Variants in ZNF25 observed in about 807,000 individuals in gnomAD.
ZNF25 encodes zinc finger protein 25.
In ZNF25, 21 loss-of-function variants were observed where a neutral mutation model predicts 30.9. The observed-to-expected ratio is 0.68, with a 90% CI of 0.48 to 0.98. The LOEUF (loss-of-function observed/expected upper bound fraction) is 0.98. Ranked by LOEUF, ZNF25 falls within the 50% of genes least tolerant of loss-of-function variation. ZNF25 has a pLI of 0.00. For synonymous variants in ZNF25, 169 were observed against 181.3 expected (o/e 0.93, Z 0.55); for missense variants, 501 against 529.9 (o/e 0.95, Z 0.54).
In ZNF25 at chr10:37,952,659, T is replaced by A. The variant is rs1363831018; in HGVS notation, c.839A>T (p.His280Leu). 6.2e-7 allele frequency: 1 copy of A among 1,613,804 alleles called. No individual in the cohort carries two copies. The highest frequency in any genetic ancestry group is 8.5e-7 in the Non-Finnish European group (1 of 1,179,952). ...ACATTTATAGGGTTTCTCCCCTGTG[T>A]GCATTCTCTGATGTACTGTGAGGTG... ...KSHLTVHQRM[H>L]TGEKPYKCKE... Residue 280 changes from histidine to leucine, a missense_variant, in exon 6 of 6, where the codon CAC (histidine) becomes CTC (leucine). Physicochemically the swap from His to Leu is moderately conservative, Grantham distance 99. Coordinates refer to ENST00000302609, the MANE Select transcript of ZNF25 (RefSeq NM_145011.4).
chr10:37,957,107 C>T lies in ZNF25; in HGVS notation c.151G>A (p.Val51Met), dbSNP rs889387126. ...TTGAAGACTGCATTTGGCTTATTCA[C>T]ATGGTAACCTATGAATGGAAAATAT... The part of the protein sequence containing the change: ...YSHLVSVGYH[V>M]NKPNAVFKLK... Residue 51 changes from valine to methionine, a missense_variant, in exon 4 of 6, where the codon GTG becomes ATG. Physicochemically the swap from Val to Met is conservative, Grantham distance 21. Coordinates refer to ENST00000302609, the MANE Select transcript of ZNF25 (RefSeq NM_145011.4). 1 of 1,613,446 alleles carries T rather than the reference C, an allele frequency of 6.2e-7. No individual in the cohort carries two copies. Among genetic ancestry groups the T allele is most frequent in the Non-Finnish European group, 8.5e-7 (1 of 1,179,658 alleles).
rs1590207864 is a variant in ZNF25 at position 37,957,005 on chromosome 10, T to C, written c.238+15A>G. 2 of 1,606,530 alleles carry C rather than the reference T, an allele frequency of 1.2e-6. No homozygotes were observed. Among genetic ancestry groups the C allele is most frequent in the Non-Finnish European group, 1.7e-6 (2 of 1,173,680 alleles). The stretch of plus-strand genomic sequence containing the variant: ...TACTCACCAGTAACATGGGATATAA[T>C]TTCTTCTAACTCACCAGGGAAGCCC... On this transcript the variant is annotated intron_variant, in intron 4 of 5. Transcript: ENST00000302609.
At position 37,952,301 on chromosome 10, in the gene ZNF25, T is replaced by G. The variant is rs778836576; in HGVS notation, c.1197A>C (p.Ala399=). The G allele has an allele frequency of 1.9e-6, 3 of 1,613,684 alleles. No homozygotes were observed. Among genetic ancestry groups the G allele is most frequent in the South Asian group, 1.1e-5 (1 of 91,044 alleles). The change falls in exon 6 of 6, where the codon GCA becomes GCC. Residue 399 remains alanine (A), a synonymous_variant. Transcript: ENST00000302609. ...QRTHTGEKPY[A]CKECGKSFSQ... ...AAAAGGACTTCCCACATTCCTTGCA[T>G]GCATAGGGCTTCTCTCCTGTGTGAG...
chr10:37,959,402 G>C (rs1283984335), intron 2 of ZNF25, among the ~76,000 whole-genome samples: 1 of 152,152 alleles, frequency 6.6e-6, no homozygotes, highest in Non-Finnish European at 1.5e-5. Context: ...GGAGAAAGGG[G>C]GAGGGCAGCT....
At chr10:37,954,721 T>A (rs1564758145) in intron 4 of ZNF25, among the ~76,000 whole-genome samples, 1 of 152,196 alleles carries the variant, frequency 6.6e-6, no homozygotes, top group African/African-American at 2.4e-5. Context: ...TATTTATGCA[T>A]CTTTAAATGC....
intron 4 of ZNF25, among the ~76,000 whole-genome samples, chr10:37,954,830 C>T (rs140587575): frequency 1.8e-4 from 27 of 152,158 alleles, no homozygotes; most frequent in East Asian, 1.7e-3. Context: ...GTGACTTATG[C>T]GACGTTAACT....
intron 2 of ZNF25, among the ~76,000 whole-genome samples, chr10:37,967,105 T>C (rs2063227678): frequency 6.6e-6 from 1 of 152,144 alleles, no homozygotes; most frequent in Admixed American, 6.5e-5. Context: ...AGACTTAATA[T>C]GGTTCAAATG....
chr10:37,953,499 A>G (rs2135287197), intron 5 of ZNF25, 196 bp downstream of exon 5: 2 of 626,784 alleles, frequency 3.2e-6, no homozygotes, highest in Middle Eastern at 4.1e-4. Flanking sequence ...AGACCACTTC[A>G]AAGTTTCAAT....
intron 2 of ZNF25, among the ~76,000 whole-genome samples, chr10:37,959,045 T>C (rs970672639): frequency 1.3e-5 from 2 of 152,192 alleles, no homozygotes; most frequent in African/African-American, 4.8e-5. Context: ...TGAAACTCCA[T>C]CTCAAAAATA....
rs375700272 is a variant in ZNF25 at position 37,952,927 on chromosome 10, T to C, written c.571A>G (p.Arg191Gly). ...KIFYHLSSLS[R>G]HLRTHAGEKP... ...TCTCCTGCATGGGTTCTCAGATGTC[T>C]ACTGAGAGATGATAGGTGGTAAAAT... Residue 191 changes from arginine to glycine, a missense_variant, in exon 6 of 6, where the codon AGA becomes GGA. Coordinates refer to ENST00000302609, the MANE Select transcript of ZNF25 (RefSeq NM_145011.4). The C allele has an allele frequency of 6.2e-7, 1 of 1,614,078 alleles. No individual in the cohort carries two copies. The highest frequency in any genetic ancestry group is 8.5e-7 in the Non-Finnish European group (1 of 1,180,020).
At chr10:37,974,280 T>A (rs1325469411) in intron 1 of ZNF25, among the ~76,000 whole-genome samples, 1 of 152,096 alleles carries the variant, frequency 6.6e-6, no homozygotes, top group Non-Finnish European at 1.5e-5. Context: ...TGAATGGGAT[T>A]ACATCAAACG....
chr10:37,971,565 G>T lies in ZNF25; in HGVS notation c.15+143C>A. The T allele has an allele frequency of 2.2e-6, 3 of 1,384,252 alleles. No individual in the cohort carries two copies. In the South Asian group the frequency reaches 3.9e-5, roughly 18 times the overall value. The allele number at this position is 1,384,252 out of a possible 1,614,324, so 85.7% of individuals were successfully genotyped here. A position where few individuals can be genotyped will look rare whatever the true frequency, so the allele number is the denominator to read the frequency against. Reference sequence around the variant, plus strand: ...TTATTCAAACGGTATTTTGCCTGTAGGTGATTTTTAACTATTTCTACGTTT... The same window carrying T: ...TTATTCAAACGGTATTTTGCCTGTATGTGATTTTTAACTATTTCTACGTTT... On this transcript the variant is annotated intron_variant, in intron 2 of 5. Transcript: ENST00000302609.
At chr10:37,953,243 T>C (rs771044971) in intron 5 of ZNF25, 48 bp from the exon 6 acceptor site, 1 of 1,512,268 alleles carries the variant, frequency 6.6e-7, no homozygotes, top group Non-Finnish European at 8.8e-7. Context: ...TTTTAAGGCT[T>C]TTTGTTCCCC....
intron 4 of ZNF25, among the ~76,000 whole-genome samples, chr10:37,955,036 C>T (rs111973413): frequency 2.8e-4 from 42 of 152,120 alleles, no homozygotes; most frequent in African/African-American, 8.2e-4. Flanking sequence ...CACCTGTAAT[C>T]CCAGCTACTC....
At chr10:37,962,590 C>T (rs1012445797) in intron 2 of ZNF25, among the ~76,000 whole-genome samples, 1 of 152,080 alleles carries the variant, frequency 6.6e-6, no homozygotes, top group African/African-American at 2.4e-5. Flanking sequence ...AATAGGTGAG[C>T]ACTTTGTTTA....
Position 37,957,453 on chromosome 10 carries a change from T to A in ZNF25, c.109A>T (p.Met37Leu), listed in dbSNP as rs2062603836. 1.9e-6 allele frequency: 3 copies of A among 1,613,672 alleles called. No individual in the cohort carries two copies. Residue 37 changes from methionine (M) to leucine (L), a missense_variant, in exon 3 of 6, where the codon ATG becomes TTG. Coordinates refer to ENST00000302609, the MANE Select transcript of ZNF25 (RefSeq NM_145011.4). ...PAQRTLYKDV[M>L]LENYSHLVSV... The stretch of plus-strand genomic sequence containing the variant: ...ACAAGGTGACTATAGTTTTCCAGCA[T>A]CACATCCTTATACAGAGTCCTCTGA...
chr10:37,957,552 A>G lies in ZNF25; in HGVS notation c.16-6T>C. Reference sequence around the variant, plus strand: ...TCCTTTAATGTCACGGGTCCCTGGAATAACATACTTCAGTTCAATTTGAAG... The same window carrying G: ...TCCTTTAATGTCACGGGTCCCTGGAGTAACATACTTCAGTTCAATTTGAAG... On this transcript the variant is annotated splice_region_variant and splice_polypyrimidine_tract_variant and intron_variant, in intron 2 of 5. Transcript: ENST00000302609. 6.2e-7 allele frequency: 1 copy of G among 1,612,272 alleles called. No homozygotes were observed. Among genetic ancestry groups the G allele is most frequent in the Middle Eastern group, 1.7e-4 (1 of 6,040 alleles).
At chr10:37,971,876 T>TAGAA (rs1198585973) in intron 1 of ZNF25, 69 bp from the exon 2 acceptor site, 3 of 999,572 alleles carry the variant, frequency 3.0e-6, no homozygotes, top group Admixed American at 2.1e-5. Context: ...TTTGACCCAT[T>TAGAA]AGAAAGCATA....
chr10:37,953,860 C>T (rs776600343), intron 4 of ZNF25, 102 bp from the exon 5 acceptor site: 5 of 1,091,950 alleles, frequency 4.6e-6, no homozygotes, highest in Non-Finnish European at 5.3e-6. Context: ...AATGAAAGAA[C>T]CTCAAATGCA....
Sources: allele counts gnomAD v4.1 joint callset (sites outside exome capture counted in the v4.1 genomes callset), GRCh38; gene constraint gnomAD v4.1.1; transcripts MANE v1.5; gene names NCBI Gene and HGNC (gene_info 2026-07-23, HGNC 2026-07-21).